The following PTPRB variants were observed in gnomAD, a reference collection of about 807,000 sequenced individuals.
The protein encoded by PTPRB is protein tyrosine phosphatase receptor type B, also known as receptor-type tyrosine-protein phosphatase beta.
A neutral mutation model predicts 238.1 loss-of-function variants in PTPRB; 97 were observed. That is an observed-to-expected ratio of 0.41 (90% CI 0.35 to 0.48). The LOEUF (loss-of-function observed/expected upper bound fraction) is 0.48. PTPRB is among the 20% of genes least tolerant of loss of function. The probability of loss-of-function intolerance (pLI) is 0.30; values close to 1 mark genes in which losing one functional copy is unlikely to be tolerated. For missense variants in PTPRB, 2,292 were observed against 2,681.9 expected (o/e 0.85, Z 3.21); for synonymous variants, 970 against 995.4 (o/e 0.97, Z 0.48).
rs1555224804 is a variant in PTPRB at position 70,552,498 on chromosome 12, A to AAAT, written c.5387+276_5387+278dup. On this transcript the variant is annotated intron_variant, in intron 21 of 33. Coordinates refer to ENST00000334414, the MANE Select transcript of PTPRB (RefSeq NM_001109754.4). Reference sequence around the variant, plus strand: ...GACTCTGTCTCAAAAAAAAAAAAAAAAATAATGAAAGTTGTAGAAGAAAGA... The same window carrying AAAT: ...GACTCTGTCTCAAAAAAAAAAAAAAAAATAATAATGAAAGTTGTAGAAGAAAGA... Among the ~76,000 whole-genome samples the AAAT allele has an allele frequency of 9.6e-3, 1,444 of 150,272 alleles. 28 individuals are homozygous for AAAT. Among genetic ancestry groups the AAAT allele is most frequent in the African/African-American group, 0.029 (1,167 of 40,372 alleles).
intron 2 of PTPRB, among the ~76,000 whole-genome samples, chr12:70,625,886 T>A (rs1171476901): frequency 4.6e-5 from 7 of 152,188 alleles, no homozygotes; most frequent in Non-Finnish European, 2.9e-5. Flanking sequence ...AGCATTTAAG[T>A]TGCATAAAGC....
At chr12:70,530,493 CACAT>C (rs796350822) in intron 32 of PTPRB, among the ~76,000 whole-genome samples, 5,109 of 65,560 alleles carry the variant, frequency 0.078, 286 homozygotes, top group African/African-American at 0.32. Flanking sequence ...ATGTATTACA[CACAT>C]ACATATATAC....
chr12:70,618,622 G>C (rs967303589), intron 3 of PTPRB, among the ~76,000 whole-genome samples: 1 of 152,204 alleles, frequency 6.6e-6, no homozygotes, highest in Non-Finnish European at 1.5e-5. Flanking sequence ...GTGGTTGCAT[G>C]TCTAATAAGT....
At chr12:70,540,136 A>T (rs1189173936) in intron 23 of PTPRB, 114 bp from the exon 24 acceptor site, 3 of 893,866 alleles carry the variant, frequency 3.4e-6, no homozygotes, top group African/African-American at 3.4e-5. Context: ...TTCAGTATTC[A>T]TACAGATTTG....
At chr12:70,589,830 C>A in intron 8 of PTPRB, 134 bp downstream of exon 8, 4 of 826,094 alleles carry the variant, frequency 4.8e-6, no homozygotes, top group Non-Finnish European at 7.4e-6. Context: ...CCCATGTTAG[C>A]CTTAAAGTCC....
intron 21 of PTPRB, among the ~76,000 whole-genome samples, chr12:70,549,806 A>G (rs554190806): frequency 1.3e-5 from 2 of 152,248 alleles, no homozygotes; most frequent in Non-Finnish European, 2.9e-5. Context: ...ACAGGACTGA[A>G]GTAAACATAT....
intron 32 of PTPRB, 35 bp from the exon 33 acceptor site, chr12:70,524,626 T>A (rs764446710): frequency 1.3e-6 from 2 of 1,563,092 alleles, no homozygotes; most frequent in South Asian, 2.4e-5. Context: ...GAGGAGGGCC[T>A]GTTCTCATGC....
At position 70,559,418 on chromosome 12, in the gene PTPRB, G is replaced by C; in HGVS notation, c.4639C>G (p.Gln1547Glu). Residue 1547 changes from glutamine (Q) to glutamate (E), a missense_variant, in exon 18 of 34, where the codon CAA (glutamine) becomes GAA (glutamate). By Grantham distance (29) the Gln-to-Glu change is conservative. Transcript: ENST00000334414. ...VYGLRPGRSYQFNVKTVSGDS... is the reference protein window; with the variant it reads ...VYGLRPGRSYEFNVKTVSGDS... ...CCACTGACAGTCTTGACGTTGAATT[G>C]ATAGGATCTCCCTGGACGAAGACCA... 6.2e-7 allele frequency: 1 copy of C among 1,613,880 alleles called. No homozygotes were observed. The highest frequency in any genetic ancestry group is 8.5e-7 in the Non-Finnish European group (1 of 1,179,766).
chr12:70,585,053 T>C (rs1881760247), intron 9 of PTPRB: 1 of 151,062 alleles, frequency 6.6e-6, no homozygotes, highest in Non-Finnish European at 1.5e-5. Context: ...CTCCACCTCC[T>C]GGGTTTAAGT....
Position 70,532,098 on chromosome 12 carries a change from A to AGAG in PTPRB, c.6438_6440dup (p.Ser2147dup). ...CGTGCACTGCTCCATAAATGTCCACAGAGTCTTTGGAGTCTAACTGCTGGA... is the reference window on the plus strand; with the variant it reads ...CGTGCACTGCTCCATAAATGTCCACAGAGGAGTCTTTGGAGTCTAACTGCTGGA... On this transcript the variant is annotated inframe_insertion, in exon 32 of 34. Coordinates refer to ENST00000334414, the MANE Select transcript of PTPRB (RefSeq NM_001109754.4). 1 of 1,613,990 alleles carries AGAG rather than the reference A, an allele frequency of 6.2e-7. No individual in the cohort carries two copies.
intron 1 of PTPRB, among the ~76,000 whole-genome samples, chr12:70,636,371 A>C (rs1293472531): frequency 6.6e-6 from 1 of 152,044 alleles, no homozygotes; most frequent in East Asian, 1.9e-4. Context: ...GGAAAGAAAC[A>C]AAACCATCCA....
chr12:70,581,018 C>T lies in PTPRB; in HGVS notation c.2578+18G>A, dbSNP rs1440835328. 6.2e-7 allele frequency: 1 copy of T among 1,609,756 alleles called. No homozygotes were observed. Among genetic ancestry groups the T allele is most frequent in the Non-Finnish European group, 8.5e-7 (1 of 1,177,550 alleles). On this transcript the variant is annotated intron_variant, in intron 10 of 33. Coordinates refer to ENST00000334414, the MANE Select transcript of PTPRB (RefSeq NM_001109754.4). ...TCAGATCTTAGTTAAGTCACAGACA[C>T]ATATCTCTACTTCTTACCTGTTCTT...
At position 70,534,983 on chromosome 12, in the gene PTPRB, G is replaced by C. The variant is rs1459859365; in HGVS notation, c.6082-28C>G. The stretch of plus-strand genomic sequence containing the variant: ...AGAACAGGACAGACAGAAAAAACAT[G>C]AGTCCGGAAAAGTGACTCCTTGGTG... On this transcript the variant is annotated intron_variant, in intron 29 of 33. Transcript: ENST00000334414. The C allele has an allele frequency of 3.8e-6, 6 of 1,596,214 alleles. No individual in the cohort carries two copies. The South Asian group carries it at 5.6e-5, about 15-fold the overall frequency.
chr12:70,571,755 AG>A, intron 12 of PTPRB, 68 bp downstream of exon 12: 6 of 1,514,940 alleles, frequency 4.0e-6, no homozygotes, highest in Non-Finnish European at 5.3e-6. Context: ...AAAAAATTCA[AG>A]GTTCAGATAA....
intron 14 of PTPRB, among the ~76,000 whole-genome samples, chr12:70,568,668 T>A (rs1280452077): frequency 1.3e-5 from 2 of 152,142 alleles, no homozygotes; most frequent in Admixed American, 6.5e-5. Flanking sequence ...AATATAGATA[T>A]GAAATAGAGG....
intron 6 of PTPRB, among the ~76,000 whole-genome samples, chr12:70,593,671 A>G (rs1363262066): frequency 2.0e-5 from 3 of 152,176 alleles, no homozygotes; most frequent in African/African-American, 7.2e-5. Flanking sequence ...GAGGTGTGTT[A>G]TAAAAGGTAT....
chr12:70,559,021 G>T, intron 18 of PTPRB: 1 of 448,484 alleles, frequency 2.2e-6, no homozygotes, highest in East Asian at 3.4e-5. Flanking sequence ...TTTCCAAGAA[G>T]TTCTCTTGTA....
intron 32 of PTPRB, among the ~76,000 whole-genome samples, chr12:70,528,713 TGTG>T (rs1243835423): frequency 1.3e-5 from 2 of 152,162 alleles, no homozygotes; most frequent in Non-Finnish European, 2.9e-5. Flanking sequence ...GCATGCCAGG[TGTG>T]GTGGTGCACA....
At chr12:70,586,294 T>A (rs1317023492) in intron 9 of PTPRB, among the ~76,000 whole-genome samples, 2 of 152,260 alleles carry the variant, frequency 1.3e-5, no homozygotes, top group South Asian at 4.2e-4. Context: ...TCTCTCCACA[T>A]CCTCTCCAGC....
Sources: allele counts gnomAD v4.1 joint callset (sites outside exome capture counted in the v4.1 genomes callset), GRCh38; gene constraint gnomAD v4.1.1; transcripts MANE v1.5; gene names NCBI Gene and HGNC (gene_info 2026-07-23, HGNC 2026-07-21).